TTLL5: variants seen among roughly 807,000 people sequenced by gnomAD.
TTLL5 encodes the protein tubulin tyrosine ligase like 5.
In TTLL5, 132 loss-of-function variants were observed where a neutral mutation model predicts 168.4. The ratio of observed to expected loss-of-function variants is 0.78; its 90% CI spans 0.68 to 0.91. The LOEUF (loss-of-function observed/expected upper bound fraction) is 0.91, where lower values mean the gene tolerates loss of function less well. Among genes scored for constraint, TTLL5 ranks in the 40% least tolerant of loss-of-function variants. TTLL5 has a pLI of 0.00. For missense variants in TTLL5, 1,545 were observed against 1,581.5 expected (o/e 0.98, Z 0.39); for synonymous variants, 546 against 558.6 (o/e 0.98, Z 0.32).
intron 12 of TTLL5, among the ~76,000 whole-genome samples, chr14:75,731,955 G>A (rs1888573781): frequency 6.6e-6 from 1 of 151,658 alleles, no homozygotes; most frequent in Non-Finnish European, 1.5e-5. Flanking sequence ...AAGGCCTACA[G>A]CAGTGTTGGT....
chr14:75,766,373 G>A lies in TTLL5; in HGVS notation c.2015+5G>A. The A allele has an allele frequency of 2.5e-6, 4 of 1,599,506 alleles. No individual in the cohort carries two copies. The highest frequency in any genetic ancestry group is 3.4e-6 in the Non-Finnish European group (4 of 1,174,162). On this transcript the variant is annotated splice_donor_5th_base_variant and intron_variant, in intron 20 of 31. Transcript: ENST00000298832. ...TCAAGATAATGGCAATCTTAGGTAT[G>A]TATCTTTTATAATTATATTAGTAAA...
chr14:75,845,956 A>C (rs1896521560), intron 28 of TTLL5, among the ~76,000 whole-genome samples: 1 of 152,172 alleles, frequency 6.6e-6, no homozygotes, highest in Non-Finnish European at 1.5e-5. Context: ...GATTATAAGA[A>C]TCTTTCTGTG....
At chr14:75,680,521 T>C (rs1382912793) in intron 3 of TTLL5, among the ~76,000 whole-genome samples, 1 of 152,050 alleles carries the variant, frequency 6.6e-6, no homozygotes, top group African/African-American at 2.4e-5. Context: ...GTCTGCAGGC[T>C]GGATTTCATC....
At chr14:75,755,522 C>A (rs988334245) in intron 18 of TTLL5, among the ~76,000 whole-genome samples, 1 of 152,034 alleles carries the variant, frequency 6.6e-6, no homozygotes, top group Non-Finnish European at 1.5e-5. Flanking sequence ...GAGGTACTCC[C>A]AGCCCTTCTT....
At chr14:75,914,313 A>G (rs986711864) in intron 31 of TTLL5, among the ~76,000 whole-genome samples, 1 of 151,750 alleles carries the variant, frequency 6.6e-6, no homozygotes, top group Non-Finnish European at 1.5e-5. Flanking sequence ...TGTTTCTTCA[A>G]TCCCTAGTAA....
At chr14:75,805,365 T>A (rs1235103763) in intron 27 of TTLL5, among the ~76,000 whole-genome samples, 1 of 152,214 alleles carries the variant, frequency 6.6e-6, no homozygotes, top group Non-Finnish European at 1.5e-5. Context: ...ATAAAGTTGA[T>A]CATAGCAGAG....
intron 28 of TTLL5, among the ~76,000 whole-genome samples, chr14:75,860,322 A>G (rs1032544882): frequency 6.6e-6 from 1 of 152,226 alleles, no homozygotes; most frequent in African/African-American, 2.4e-5. Context: ...GATTTCTGAT[A>G]CACAAGAAGG....
chr14:75,720,480 T>C (rs900850254), intron 11 of TTLL5, 116 bp from the exon 12 acceptor site: 5 of 766,348 alleles, frequency 6.5e-6, no homozygotes, highest in Non-Finnish European at 1.1e-5. Context: ...GTCTGCCATA[T>C]AGAGGCTTTT....
intron 19 of TTLL5, 119 bp downstream of exon 19, chr14:75,764,891 A>G (rs1594994447): frequency 3.4e-6 from 4 of 1,164,720 alleles, no homozygotes; most frequent in East Asian, 4.9e-5. Flanking sequence ...CACCTTTTTT[A>G]TATAGTTTTT....
At chr14:75,860,558 A>G (rs1338915855) in intron 28 of TTLL5, among the ~76,000 whole-genome samples, 1 of 152,256 alleles carries the variant, frequency 6.6e-6, no homozygotes, top group Non-Finnish European at 1.5e-5. Flanking sequence ...ACTTTAGTCC[A>G]GTTGTAACTA....
chr14:75,815,351 T>A (rs888057890), intron 27 of TTLL5, among the ~76,000 whole-genome samples: 1 of 152,236 alleles, frequency 6.6e-6, no homozygotes, highest in African/African-American at 2.4e-5. Context: ...TAAGTAGCAG[T>A]CACTTTTGCT....
At chr14:75,863,096 G>A (rs999375050) in intron 28 of TTLL5, among the ~76,000 whole-genome samples, 9 of 152,086 alleles carry the variant, frequency 5.9e-5, no homozygotes, top group Admixed American at 2.0e-4. Flanking sequence ...ACCCTGTGAG[G>A]TAAATTTGGA....
chr14:75,754,307 T>C (rs1890119510), intron 18 of TTLL5, among the ~76,000 whole-genome samples: 1 of 152,242 alleles, frequency 6.6e-6, no homozygotes, highest in Non-Finnish European at 1.5e-5. Context: ...TTTTGCATTA[T>C]TTTAATTCTT....
At chr14:75,927,341 A>G (rs1024837250) in intron 31 of TTLL5, among the ~76,000 whole-genome samples, 1 of 152,190 alleles carries the variant, frequency 6.6e-6, no homozygotes, top group African/African-American at 2.4e-5. Context: ...GTCTTATTCT[A>G]TTTATTTTTT....
intron 31 of TTLL5, among the ~76,000 whole-genome samples, chr14:75,925,180 C>T (rs541159184): frequency 0.024 from 2,916 of 122,838 alleles, 128 homozygotes; most frequent in African/African-American, 0.068. Context: ...GCTGGCCTGG[C>T]GGGGGCTGAC....
intron 26 of TTLL5, among the ~76,000 whole-genome samples, chr14:75,788,019 T>C (rs1209758820): frequency 6.6e-6 from 1 of 152,150 alleles, no homozygotes; most frequent in Non-Finnish European, 1.5e-5. Flanking sequence ...TTATAGTTGG[T>C]GTGCACCTGT....
intron 28 of TTLL5, among the ~76,000 whole-genome samples, chr14:75,826,064 C>T (rs1895112277): frequency 6.6e-6 from 1 of 151,978 alleles, no homozygotes; most frequent in Non-Finnish European, 1.5e-5. Flanking sequence ...TCAAAGATAG[C>T]TGGCTGGACG....
intron 31 of TTLL5, among the ~76,000 whole-genome samples, chr14:75,946,102 A>G (rs1035510402): frequency 6.6e-6 from 1 of 152,254 alleles, no homozygotes; most frequent in Non-Finnish European, 1.5e-5. Context: ...TTTCAGACAG[A>G]GGAAGGTATT....
At chr14:75,715,090 CATATTTATTT>C (rs1887338770) in intron 9 of TTLL5, among the ~76,000 whole-genome samples, 1 of 152,028 alleles carries the variant, frequency 6.6e-6, no homozygotes, top group African/African-American at 2.4e-5. Flanking sequence ...GTATCTTTAA[CATATTTATTT>C]ATTTGCTCAA....
Sources: gnomAD v4.1 joint callset for allele counts (sites outside exome capture counted in the v4.1 genomes callset) on GRCh38, gnomAD v4.1.1 for gene constraint, MANE v1.5 for transcripts, NCBI Gene and HGNC (gene_info 2026-07-23, HGNC 2026-07-21) for gene names.